The following SPECC1L variants were observed in gnomAD, a reference collection of about 807,000 sequenced individuals.
SPECC1L encodes the protein cytospin-A.
Under a neutral mutation model 116.8 loss-of-function variants are expected in SPECC1L, and 40 were observed. The observed-to-expected ratio is 0.34, with a 90% CI of 0.27 to 0.45. SPECC1L has a LOEUF of 0.45. Ranked by LOEUF, SPECC1L falls within the 20% of genes least tolerant of loss-of-function variation. The pLI is 1.00. For missense variants in SPECC1L, 1,110 were observed against 1,373.6 expected, an observed-to-expected ratio of 0.81 and a Z score of 3.03; for synonymous variants, 504 against 500.6, an observed-to-expected ratio of 1.01 and a Z score of -0.09.
intron 14 of SPECC1L, among the ~76,000 whole-genome samples, chr22:24,391,262 G>C (rs910490599): frequency 6.6e-6 from 1 of 152,064 alleles, no homozygotes; most frequent in Admixed American, 6.5e-5. Context: ...CTGTTTTCAG[G>C]GCATTCCTTT....
At chr22:24,406,193 A>G (rs2042588243) in intron 14 of SPECC1L, among the ~76,000 whole-genome samples, 1 of 152,096 alleles carries the variant, frequency 6.6e-6, no homozygotes, top group Non-Finnish European at 1.5e-5. Flanking sequence ...TTAGTTCCAG[A>G]CCTCATGCAG....
intron 2 of SPECC1L, among the ~76,000 whole-genome samples, chr22:24,297,609 C>T (rs1240834947): frequency 1.3e-5 from 2 of 152,236 alleles, no homozygotes; most frequent in Admixed American, 6.5e-5. Context: ...TCACCAGTTG[C>T]CCTTTATCTA....
chr22:24,411,743 A>C, intron 15 of SPECC1L, 39 bp downstream of exon 15: 1 of 1,535,642 alleles, frequency 6.5e-7, no homozygotes, highest in Non-Finnish European at 9.0e-7. Flanking sequence ...CCCACCTCAC[A>C]GGGTTGGAGG....
chr22:24,377,270 G>A (rs2041988936), intron 14 of SPECC1L, among the ~76,000 whole-genome samples: 1 of 151,980 alleles, frequency 6.6e-6, no homozygotes, highest in Admixed American at 6.6e-5. Context: ...TGTTTGTGTT[G>A]CTTACACTTT....
At chr22:24,324,500 A>G (rs2040780177) in intron 6 of SPECC1L, 73 bp downstream of exon 6, 2 of 1,390,220 alleles carry the variant, frequency 1.4e-6, no homozygotes, top group Non-Finnish European at 2.0e-6. Context: ...GCATTTAGTA[A>G]TAAAATAGGG....
chr22:24,374,630 G>T (rs1462038878), intron 14 of SPECC1L, among the ~76,000 whole-genome samples: 2 of 124,434 alleles, frequency 1.6e-5, no homozygotes, highest in Admixed American at 8.7e-5. Flanking sequence ...GTTGTGGGGT[G>T]GGGGGAGGGG....
At chr22:24,313,573 C>G (rs1245815649) in intron 4 of SPECC1L, 107 bp downstream of exon 4, 1 of 1,303,128 alleles carries the variant, frequency 7.7e-7, no homozygotes. Flanking sequence ...TTTAGACATA[C>G]AAAAGTAGAT....
rs780702852 is a variant in SPECC1L at position 24,415,512 on chromosome 22, C to T, written c.*889C>T. On this transcript the variant is annotated 3_prime_UTR_variant, in exon 17 of 17. Transcript: ENST00000314328. ...ACATTGTTTCAATAAGCATAGAAAT[C>T]TAAACAACATCTGTACATTAGCATG... is the stretch of plus-strand genomic sequence containing the variant. 2.6e-5 allele frequency: 4 copies of T among 152,586 alleles called. No individual in the cohort carries two copies. The highest frequency in any genetic ancestry group is 4.1e-4 in the South Asian group (2 of 4,830). The allele number at this position is 152,586 out of a possible 1,614,324, so 9.5% of individuals were successfully genotyped here. A position where few individuals can be genotyped will look rare whatever the true frequency, so the allele number is the denominator to read the frequency against.
intron 10 of SPECC1L, among the ~76,000 whole-genome samples, chr22:24,344,318 A>G (rs1038076359): frequency 2.6e-5 from 4 of 151,214 alleles, no homozygotes; most frequent in Non-Finnish European, 5.9e-5. Context: ...ATTTACCTCA[A>G]CACAATAAAA....
At chr22:24,314,347 C>T (rs2040519539) in intron 4 of SPECC1L, among the ~76,000 whole-genome samples, 2 of 152,152 alleles carry the variant, frequency 1.3e-5, no homozygotes. Context: ...CCACGCCCGA[C>T]CAGAGAAGGA....
At chr22:24,398,932 T>G (rs957328355) in intron 14 of SPECC1L, among the ~76,000 whole-genome samples, 12 of 152,310 alleles carry the variant, frequency 7.9e-5, no homozygotes, top group Middle Eastern at 3.4e-3. Flanking sequence ...TCTTTTTCAG[T>G]TGAGATTGCA....
intron 14 of SPECC1L, among the ~76,000 whole-genome samples, chr22:24,405,609 G>A (rs1289930689): frequency 6.6e-6 from 1 of 152,132 alleles, no homozygotes; most frequent in Non-Finnish European, 1.5e-5. Flanking sequence ...GGAGGCTGAG[G>A]TGGACAGATC....
chr22:24,336,473 T>A (rs1456165051), intron 9 of SPECC1L, among the ~76,000 whole-genome samples: 1 of 152,080 alleles, frequency 6.6e-6, no homozygotes, highest in African/African-American at 2.4e-5. Flanking sequence ...AGCTGACAAG[T>A]GCCTGTAGTT....
intron 14 of SPECC1L, among the ~76,000 whole-genome samples, chr22:24,407,434 G>A (rs1212712189): frequency 6.6e-6 from 1 of 152,222 alleles, no homozygotes; most frequent in Non-Finnish European, 1.5e-5. Flanking sequence ...CCCACAGCCA[G>A]GCGGATGGGA....
intron 11 of SPECC1L, among the ~76,000 whole-genome samples, chr22:24,355,237 C>T (rs1023504453): frequency 1.1e-4 from 15 of 137,808 alleles, no homozygotes; most frequent in African/African-American, 3.5e-4. Flanking sequence ...GAGCCAGGAT[C>T]GTGCCACTGC....
chr22:24,359,724 G>A (rs2041605767), intron 11 of SPECC1L, among the ~76,000 whole-genome samples: 1 of 152,142 alleles, frequency 6.6e-6, no homozygotes, highest in Non-Finnish European at 1.5e-5. Flanking sequence ...CAGTGTCCTA[G>A]ATTTCTTTGG....
intron 14 of SPECC1L, among the ~76,000 whole-genome samples, chr22:24,378,546 C>G (rs1489414701): frequency 9.2e-5 from 14 of 152,334 alleles, no homozygotes; most frequent in Admixed American, 7.8e-4. Context: ...TCTCAATTAG[C>G]TTAAGCATTT....
chr22:24,404,190 T>C (rs2146791184), intron 14 of SPECC1L, among the ~76,000 whole-genome samples: 1 of 152,246 alleles, frequency 6.6e-6, no homozygotes, highest in African/African-American at 2.4e-5. Flanking sequence ...GCTGTTCTCC[T>C]CAGCATGGCC....
chr22:24,394,898 A>G (rs562579022), intron 14 of SPECC1L, among the ~76,000 whole-genome samples: 65 of 152,174 alleles, frequency 4.3e-4, no homozygotes, highest in Non-Finnish European at 8.1e-4. Flanking sequence ...TGGTGCAATC[A>G]TAGCTCACTG....
Sources: allele counts gnomAD v4.1 joint callset (sites outside exome capture counted in the v4.1 genomes callset), GRCh38; gene constraint gnomAD v4.1.1; transcripts MANE v1.5; gene names NCBI Gene and HGNC (gene_info 2026-07-23, HGNC 2026-07-21).